Variants in KIFC3 observed in about 807,000 individuals in gnomAD.
KIFC3 encodes the protein kinesin family member C3.
In KIFC3, 60 loss-of-function variants were observed where a neutral mutation model predicts 101.8. That is an observed-to-expected ratio of 0.59 (90% CI 0.48 to 0.73). The LOEUF (loss-of-function observed/expected upper bound fraction) is 0.73, where lower values mean the gene tolerates loss of function less well. KIFC3 is among the 30% of genes least tolerant of loss of function. The pLI, the probability that KIFC3 is intolerant of heterozygous loss-of-function variation, is 0.00. For synonymous variants in KIFC3, 476 were observed against 482.7 expected (o/e 0.99, Z 0.18); for missense variants, 966 against 1,137.1 (o/e 0.85, Z 2.16).
intron 1 of KIFC3, chr16:57,816,086 A>G: frequency 1.4e-6 from 1 of 727,980 alleles, no homozygotes; most frequent in Non-Finnish European, 1.9e-6. Flanking sequence ...TACCCACAGG[A>G]AGGATGTGGT....
At chr16:57,782,047 G>T (rs962208173) in intron 3 of KIFC3, 12 of 985,314 alleles carry the variant, frequency 1.2e-5, no homozygotes, top group Non-Finnish European at 1.4e-5. Flanking sequence ...GGCGGGCTTT[G>T]CTTAGAGAGG....
In KIFC3 at chr16:57,766,996, G is replaced by A; in HGVS notation, c.1219-11C>T. On this transcript the variant is annotated splice_polypyrimidine_tract_variant and intron_variant, in intron 9 of 19. Transcript: ENST00000445690. ...GATGGCCTGGCCTATCTGGTGGGGG[G>A]TGCACACCACTGTCAGGGGGACGGC... 6.3e-7 allele frequency: 1 copy of A among 1,593,968 alleles called. No homozygotes were observed. Among genetic ancestry groups the A allele is most frequent in the African/African-American group, 1.3e-5 (1 of 74,678 alleles).
At chr16:57,772,945 G>A (rs1278422084) in intron 3 of KIFC3, among the ~76,000 whole-genome samples, 2 of 152,182 alleles carry the variant, frequency 1.3e-5, no homozygotes, top group African/African-American at 4.8e-5. Flanking sequence ...AGCTTATCCG[G>A]ACCCCAGAAG....
chr16:57,817,997 T>C (rs2055267646), intron 1 of KIFC3, among the ~76,000 whole-genome samples: 1 of 151,980 alleles, frequency 6.6e-6, no homozygotes, highest in Admixed American at 6.6e-5. Context: ...CTGGCCATTG[T>C]CACATTTTCT....
chr16:57,771,734 C>A (rs373380011), intron 4 of KIFC3, 48 bp from the exon 5 acceptor site: 1 of 1,575,786 alleles, frequency 6.3e-7, no homozygotes, highest in South Asian at 1.2e-5. Flanking sequence ...GGGCAGATGA[C>A]GGGGGAAAGA....
chr16:57,799,011 G>A (rs1368169969), intron 1 of KIFC3, among the ~76,000 whole-genome samples: 1 of 152,156 alleles, frequency 6.6e-6, no homozygotes, highest in Non-Finnish European at 1.5e-5. Flanking sequence ...CCAGTCAGAA[G>A]GGAGATAAAC....
At chr16:57,845,789 G>C (rs1742357326) in intron 1 of KIFC3, among the ~76,000 whole-genome samples, 1 of 152,178 alleles carries the variant, frequency 6.6e-6, no homozygotes, top group South Asian at 2.1e-4. Context: ...CCTTCCAACA[G>C]ACAAAATGTT....
chr16:57,835,824 C>A (rs1039282395), intron 1 of KIFC3, among the ~76,000 whole-genome samples: 4 of 152,204 alleles, frequency 2.6e-5, no homozygotes, highest in African/African-American at 9.6e-5. Flanking sequence ...GTGGCATGTG[C>A]CTGTAACCCT....
chr16:57,821,345 T>C (rs953540197), intron 1 of KIFC3, among the ~76,000 whole-genome samples: 9 of 152,142 alleles, frequency 5.9e-5, no homozygotes, highest in African/African-American at 2.2e-4. Flanking sequence ...CGAAAGGATG[T>C]TCTGTCTCTG....
Position 57,769,496 on chromosome 16 carries a change from G to T in KIFC3, c.1218+99C>A. 1 of 1,457,182 alleles carries T rather than the reference G, an allele frequency of 6.9e-7. No homozygotes were observed. The highest frequency in any genetic ancestry group is 2.0e-5 in the Admixed American group (1 of 50,680). 90.3% of individuals were successfully genotyped at this position (1,457,182 alleles called of 1,614,324 possible). A position where few individuals can be genotyped will look rare whatever the true frequency, so the allele number is the denominator to read the frequency against. ...GTGGGGCAGGGGCTGCTGTCTGAGC[G>T]GCTTTGTCTGAGCTTTGGAGGGACG... On this transcript the variant is annotated intron_variant, in intron 9 of 19. Transcript: ENST00000445690. The surrounding 1 kb of genome is among the most constrained non-coding windows in gnomAD (Gnocchi z 4.3).
intron 3 of KIFC3, chr16:57,776,579 G>A (rs1222559692): frequency 4.7e-6 from 1 of 211,024 alleles, no homozygotes; most frequent in Non-Finnish European, 8.2e-6. Context: ...GCTGTCTCGA[G>A]GATTAAACGA....
upstream of KIFC3, chr16:57,803,001 G>T (rs1367753129): frequency 6.5e-7 from 1 of 1,535,774 alleles, no homozygotes; most frequent in Non-Finnish European, 8.7e-7. Context: ...CCTTGCACGC[G>T]CTGGCGCACA....
At chr16:57,844,530 G>A (rs2055878814) in intron 1 of KIFC3, among the ~76,000 whole-genome samples, 1 of 152,040 alleles carries the variant, frequency 6.6e-6, no homozygotes, top group Non-Finnish European at 1.5e-5. Context: ...CTGAGATCAG[G>A]ATGCACCCTG....
At chr16:57,829,886 G>A (rs1458435307) in intron 1 of KIFC3, among the ~76,000 whole-genome samples, 1 of 152,186 alleles carries the variant, frequency 6.6e-6, no homozygotes, top group Non-Finnish European at 1.5e-5. Context: ...CTTCCAAGAA[G>A]CCATTGGAGC....
chr16:57,761,622 C>G (rs894421874), intron 13 of KIFC3, 86 bp from the exon 14 acceptor site: 2 of 1,507,540 alleles, frequency 1.3e-6, no homozygotes, highest in Non-Finnish European at 1.8e-6. Context: ...CAGGAATGTT[C>G]CCCCAACCCA....
intron 17 of KIFC3, 107 bp downstream of exon 17, chr16:57,760,175 C>T: frequency 7.4e-7 from 1 of 1,350,478 alleles, no homozygotes; most frequent in South Asian, 1.4e-5. Flanking sequence ...CGGCAGCTTC[C>T]CTGCCCCCAC....
At chr16:57,761,290 G>C (rs1370251977) in intron 14 of KIFC3, 119 bp from the exon 15 acceptor site, 8 of 1,578,918 alleles carry the variant, frequency 5.1e-6, no homozygotes, top group Non-Finnish European at 6.1e-6. Flanking sequence ...AGGAAACTGA[G>C]GCTCAGAGAG....
At chr16:57,827,245 T>C (rs1215260645) in intron 1 of KIFC3, among the ~76,000 whole-genome samples, 1 of 152,268 alleles carries the variant, frequency 6.6e-6, no homozygotes, top group African/African-American at 2.4e-5. Context: ...AGGGTCTCAC[T>C]TCAGTGACTT....
Position 57,845,960 on chromosome 16 carries a change from G to A in KIFC3, c.108+16769C>T, listed in dbSNP as rs530128258. Reference sequence around the variant, plus strand: ...TCTTTAAGATTTGTGAAAGGAAGGGGCTGCCCCAGAGCTGTGGGGTTTTTG... The same window carrying A: ...TCTTTAAGATTTGTGAAAGGAAGGGACTGCCCCAGAGCTGTGGGGTTTTTG... On this transcript the variant is annotated intron_variant, in intron 1 of 2. Coordinates refer to the KIFC3 transcript ENST00000563028. Among the ~76,000 whole-genome samples, 108 of 152,308 alleles carry A rather than the reference G, an allele frequency of 7.1e-4. 3 individuals carry two copies. In the South Asian group the frequency reaches 0.022, roughly 31 times the overall value.
Sources: allele counts gnomAD v4.1 joint callset (sites outside exome capture counted in the v4.1 genomes callset), GRCh38; gene constraint gnomAD v4.1.1; non-coding constraint Gnocchi (gnomAD v3.1); transcripts MANE v1.5; gene names NCBI Gene and HGNC (gene_info 2026-07-23, HGNC 2026-07-21).